The following GABRA3 variants were observed in gnomAD, a reference collection of about 807,000 sequenced individuals.
The protein encoded by GABRA3 is gamma-aminobutyric acid receptor subunit alpha-3.
GABRA3 carries 10 observed loss-of-function variants against 30.1 expected under a neutral mutation model. The ratio of observed to expected loss-of-function variants is 0.33; its 90% CI spans 0.20 to 0.56. The LOEUF (loss-of-function observed/expected upper bound fraction) is 0.56, where lower values mean the gene tolerates loss of function less well. Ranked by LOEUF, GABRA3 falls within the 20% of genes least tolerant of loss-of-function variation. GABRA3 has a pLI of 0.89. For synonymous variants in GABRA3, 151 were observed against 146.8 expected (o/e 1.03, Z -0.21); for missense variants, 233 against 392.0 (o/e 0.59, Z 3.42).
chrX:152,257,136 A>G (rs1228621595), intron 4 of GABRA3, among the ~76,000 whole-genome samples: 1 of 112,055 alleles, frequency 8.9e-6, no homozygotes, highest in Non-Finnish European at 1.9e-5. Context: ...GAAAGAAATG[A>G]GCTGGGTGAT....
At chrX:152,289,949 G>GA (rs1939372689) in intron 3 of GABRA3, among the ~76,000 whole-genome samples, 2 of 111,779 alleles carry the variant, frequency 1.8e-5, no homozygotes. Flanking sequence ...CCAAGTTTCT[G>GA]CTATTGTGAA....
intron 6 of GABRA3, 119 bp from the exon 7 acceptor site, chrX:152,208,263 G>A: frequency 1.3e-6 from 1 of 745,542 alleles, no homozygotes; most frequent in East Asian, 3.4e-5. Context: ...CTGGGTATGT[G>A]GTCTGTCTTC....
intron 6 of GABRA3, among the ~76,000 whole-genome samples, chrX:152,211,985 A>G (rs1427401477): frequency 9.1e-6 from 1 of 110,416 alleles, no homozygotes; most frequent in Non-Finnish European, 1.9e-5. Flanking sequence ...AATAAATAGC[A>G]TAAAATATCC....
intron 1 of GABRA3, among the ~76,000 whole-genome samples, chrX:152,426,947 CTG>C (rs1268705276): frequency 8.9e-6 from 1 of 111,751 alleles, no homozygotes. Context: ...TGGGAAGAGA[CTG>C]GGCTTCTTAA....
chrX:152,199,133 A>G (rs182851177), intron 7 of GABRA3, among the ~76,000 whole-genome samples: 2,095 of 110,959 alleles, frequency 0.019, 15 homozygotes, highest in African/African-American at 0.031. Context: ...TTGGGAGGCC[A>G]AGGCGGGCAG....
intron 4 of GABRA3, among the ~76,000 whole-genome samples, chrX:152,266,119 T>C (rs1193574960): frequency 9.0e-6 from 1 of 111,503 alleles, no homozygotes; most frequent in Non-Finnish European, 1.9e-5. Flanking sequence ...AAGGGAATCC[T>C]ATATCAAGAG....
At chrX:152,244,549 C>T (rs1351711796) in intron 5 of GABRA3, among the ~76,000 whole-genome samples, 1 of 111,474 alleles carries the variant, frequency 9.0e-6, no homozygotes, top group Non-Finnish European at 1.9e-5. Context: ...TCTTGGCCTT[C>T]CTGACCTCAA....
intron 9 of GABRA3, among the ~76,000 whole-genome samples, chrX:152,178,237 CGTGTGTGCGTCTATGT>C (rs974567935): frequency 7.2e-4 from 72 of 99,669 alleles, no homozygotes; most frequent in African/African-American, 2.7e-3. Flanking sequence ...AAATAATTGC[CGTGTGTGCGTCTATGT>C]GTGTGTGTGT....
chrX:152,243,666 A>C (rs2124404439), intron 5 of GABRA3, among the ~76,000 whole-genome samples: 1 of 111,739 alleles, frequency 8.9e-6, no homozygotes, highest in South Asian at 3.7e-4. Context: ...TCTAGGGAAG[A>C]CAAGAAGTCT....
chrX:152,343,787 G>C lies in GABRA3; in HGVS notation c.262+1794C>G, dbSNP rs188669804. ...AAATATATATTTAACTTTACTTAAT[G>C]TGTTTATTGTAGTACTATGGGTGTA... On this transcript the variant is annotated intron_variant, in intron 3 of 9. Transcript: ENST00000370314. Among the ~76,000 whole-genome samples, 4 of 112,191 alleles carry C rather than the reference G, an allele frequency of 3.6e-5. No homozygotes were observed. The East Asian group carries it at 1.1e-3, about 31-fold the overall frequency.
chrX:152,308,243 T>A (rs1345151117), intron 3 of GABRA3, among the ~76,000 whole-genome samples: 1 of 112,507 alleles, frequency 8.9e-6, no homozygotes, highest in Non-Finnish European at 1.9e-5. Context: ...TGCAGAAGGA[T>A]CACTACTGGG....
At chrX:152,194,446 T>C (rs971670907) in intron 8 of GABRA3, among the ~76,000 whole-genome samples, 1 of 111,708 alleles carries the variant, frequency 9.0e-6, no homozygotes, top group Admixed American at 9.5e-5. Flanking sequence ...TCTGCACAGA[T>C]ATAGTGTGCT....
At chrX:152,341,089 T>C (rs1398763983) in intron 3 of GABRA3, among the ~76,000 whole-genome samples, 2 of 111,121 alleles carry the variant, frequency 1.8e-5, no homozygotes, top group East Asian at 2.8e-4. Context: ...TGTGTAATCA[T>C]AGCTTAGTTC....
intron 9 of GABRA3, among the ~76,000 whole-genome samples, chrX:152,177,128 A>G (rs1314321025): frequency 8.9e-6 from 1 of 111,893 alleles, no homozygotes; most frequent in African/African-American, 3.3e-5. Context: ...GACGATGTAA[A>G]CTACACTTCT....
intron 2 of GABRA3, among the ~76,000 whole-genome samples, chrX:152,350,487 A>G (rs1052194523): frequency 3.6e-5 from 4 of 110,164 alleles, no homozygotes; most frequent in South Asian, 7.9e-4. Context: ...AGAGACACAA[A>G]AAACCCTTCA....
intron 3 of GABRA3, among the ~76,000 whole-genome samples, chrX:152,317,588 A>G (rs1327645849): frequency 4.5e-5 from 5 of 112,007 alleles, no homozygotes. Context: ...GTCTCCATAA[A>G]TTTAAGAAAA....
chrX:152,172,217 T>A (rs1263301505), intron 9 of GABRA3, among the ~76,000 whole-genome samples: 3 of 111,654 alleles, frequency 2.7e-5, no homozygotes, highest in African/African-American at 9.8e-5. Context: ...ATGGTAAGCA[T>A]CACTAATCAG....
rs535625569 is a variant in GABRA3 at position 152,404,976 on chromosome X, G to A, written c.-26-40380C>T. The stretch of plus-strand genomic sequence containing the variant: ...AACACTGAATTGAACAACTATCCAC[G>A]CAAGAAAGCAACTTTATAGGAAAAA... On this transcript the variant is annotated intron_variant, in intron 1 of 9. Coordinates refer to ENST00000370314, the MANE Select transcript of GABRA3 (RefSeq NM_000808.4). Among the ~76,000 whole-genome samples the A allele has an allele frequency of 1.1e-3, 117 of 108,367 alleles. 1 individual carries two copies. In the South Asian group the frequency reaches 0.011, roughly 10 times the overall value. 94.1% of individuals were successfully genotyped at this position (108,367 alleles called of 115,157 possible).
chrX:152,394,901 A>G lies in GABRA3; in HGVS notation c.-26-30305T>C, dbSNP rs766058611. 1.8e-5 allele frequency among the ~76,000 whole-genome samples: 2 copies of G among 111,607 alleles called. 1 individual carries two copies. The highest frequency in any genetic ancestry group is 7.5e-4 in the South Asian group (2 of 2,652). On this transcript the variant is annotated intron_variant, in intron 1 of 9. Coordinates refer to ENST00000370314, the MANE Select transcript of GABRA3 (RefSeq NM_000808.4). ...AAAATAATACAGGATGTTCAGATGA[A>G]TAAGATGCCAAAAAGCATGTTTTAA...
Sources: allele counts gnomAD v4.1 joint callset (sites outside exome capture counted in the v4.1 genomes callset), GRCh38; gene constraint gnomAD v4.1.1; transcripts MANE v1.5; gene names NCBI Gene and HGNC (gene_info 2026-07-23, HGNC 2026-07-21).